The following TNS3 variants were observed in gnomAD, a reference collection of about 807,000 sequenced individuals.
TNS3 encodes tensin-3.
In TNS3, 45 loss-of-function variants were observed where a neutral mutation model predicts 140.9. The observed-to-expected ratio is 0.32, with a 90% CI of 0.25 to 0.41. TNS3 has a LOEUF of 0.41. Ranked by LOEUF, TNS3 falls within the 10% of genes least tolerant of loss-of-function variation. TNS3 has a pLI of 1.00. For synonymous variants in TNS3, 815 were observed against 788.4 expected (o/e 1.03, Z -0.56); for missense variants, 1,716 against 1,906.7 (o/e 0.90, Z 1.86).
intron 1 of TNS3, among the ~76,000 whole-genome samples, chr7:47,567,387 T>A (rs1032020328): frequency 2.0e-5 from 3 of 152,050 alleles, no homozygotes; most frequent in African/African-American, 7.2e-5. Flanking sequence ...CCATTCACAA[T>A]CACTTTAAGA....
chr7:47,484,936 T>A (rs910863814), intron 3 of TNS3, among the ~76,000 whole-genome samples: 1 of 152,214 alleles, frequency 6.6e-6, no homozygotes, highest in African/African-American at 2.4e-5. Flanking sequence ...TTAGCACTTA[T>A]GTTCTTAACA....
intron 20 of TNS3, among the ~76,000 whole-genome samples, chr7:47,319,436 G>A (rs865784773): frequency 2.6e-5 from 4 of 152,156 alleles, no homozygotes; most frequent in Middle Eastern, 3.4e-3. Flanking sequence ...AGAGAGAGGA[G>A]GGGAGGTGCC....
chr7:47,419,814 G>A (rs1351898624), intron 10 of TNS3, among the ~76,000 whole-genome samples: 1 of 151,972 alleles, frequency 6.6e-6, no homozygotes, highest in Non-Finnish European at 1.5e-5. Context: ...TGGACTCAGA[G>A]GCAAAAGGGT....
intron 30 of TNS3, chr7:47,279,892 A>G: frequency 1.9e-6 from 1 of 514,824 alleles, no homozygotes; most frequent in Non-Finnish European, 3.5e-6. Context: ...AATGGCCAAA[A>G]AGGCTGTGCC....
At chr7:47,391,249 T>A (rs1449683131) in intron 16 of TNS3, among the ~76,000 whole-genome samples, 1 of 152,208 alleles carries the variant, frequency 6.6e-6, no homozygotes, top group Non-Finnish European at 1.5e-5. Context: ...CTTCAATTCT[T>A]TCCTAATTCC....
intron 4 of TNS3, among the ~76,000 whole-genome samples, chr7:47,474,857 CCT>C (rs1797122267): frequency 6.8e-6 from 1 of 147,994 alleles, no homozygotes; most frequent in South Asian, 2.2e-4. Context: ...ACACAAAACA[CCT>C]CACACACAAC....
At chr7:47,528,124 G>A (rs748992639) in intron 2 of TNS3, among the ~76,000 whole-genome samples, 12 of 152,040 alleles carry the variant, frequency 7.9e-5, no homozygotes, top group Non-Finnish European at 1.8e-4. Flanking sequence ...AATCAGAGGA[G>A]GGGCACCCCA....
intron 4 of TNS3, among the ~76,000 whole-genome samples, chr7:47,469,169 T>A (rs1299802879): frequency 6.6e-6 from 1 of 152,226 alleles, no homozygotes. Flanking sequence ...CTTATCGACA[T>A]CAGCCTTGGC....
chr7:47,427,093 T>A (rs1584633511), intron 9 of TNS3, among the ~76,000 whole-genome samples: 1 of 124,820 alleles, frequency 8.0e-6, no homozygotes, highest in Non-Finnish European at 1.6e-5. Flanking sequence ...ACCACTGCAC[T>A]CCAACCTGGG....
Position 47,341,151 on chromosome 7 carries a change from T to C in TNS3, c.2650+3604A>G, listed in dbSNP as rs141504896. Reference sequence around the variant, plus strand: ...TTGCTGTGTTCTATTTGTTTATGTTTTGTTAAGGAGTTTTGTATCTGAATC... The same window carrying C: ...TTGCTGTGTTCTATTTGTTTATGTTCTGTTAAGGAGTTTTGTATCTGAATC... On this transcript the variant is annotated intron_variant, in intron 20 of 30. Transcript: ENST00000311160. Among the ~76,000 whole-genome samples the C allele has an allele frequency of 1.2e-4, 19 of 152,338 alleles. No homozygotes were observed. The East Asian group carries it at 3.5e-3, about 28-fold the overall frequency.
chr7:47,526,019 G>C (rs994594139), intron 2 of TNS3, among the ~76,000 whole-genome samples: 9 of 152,232 alleles, frequency 5.9e-5, no homozygotes, highest in African/African-American at 2.2e-4. Context: ...TGATCCTCCA[G>C]ATAAAGAAAG....
At position 47,344,556 on chromosome 7, in the gene TNS3, G is replaced by A. The variant is rs556975893; in HGVS notation, c.2650+199C>T. Among the ~76,000 whole-genome samples, 4 of 152,344 alleles carry A rather than the reference G, an allele frequency of 2.6e-5. No individual in the cohort carries two copies. In the South Asian group the frequency reaches 8.3e-4, roughly 32 times the overall value. On this transcript the variant is annotated intron_variant, in intron 20 of 30. Coordinates refer to ENST00000311160, the MANE Select transcript of TNS3 (RefSeq NM_022748.12). Reference sequence around the variant, plus strand: ...CACAGGATGCCAGGCAGCGATGCAAGGCCAGGTTGCCACCACACAGTGGAT... The same window carrying A: ...CACAGGATGCCAGGCAGCGATGCAAAGCCAGGTTGCCACCACACAGTGGAT...
intron 4 of TNS3, among the ~76,000 whole-genome samples, chr7:47,463,269 A>AC (rs1301269562): frequency 6.6e-6 from 1 of 151,896 alleles, no homozygotes; most frequent in Non-Finnish European, 1.5e-5. Context: ...ATGTGGTGAA[A>AC]CCCCATCTCT....
intron 20 of TNS3, among the ~76,000 whole-genome samples, chr7:47,318,154 G>C (rs947816381): frequency 2.0e-5 from 3 of 152,068 alleles, no homozygotes; most frequent in African/African-American, 7.2e-5. Flanking sequence ...ATGACTCTAG[G>C]GACCTCATGT....
At chr7:47,299,876 T>G (rs959008104) in intron 23 of TNS3, among the ~76,000 whole-genome samples, 1 of 152,188 alleles carries the variant, frequency 6.6e-6, no homozygotes, top group African/African-American at 2.4e-5. Flanking sequence ...GAGACAGGGA[T>G]GAGGGGAGGG....
chr7:47,574,256 T>A (rs959532228), intron 1 of TNS3, among the ~76,000 whole-genome samples: 2 of 152,202 alleles, frequency 1.3e-5, no homozygotes, highest in African/African-American at 4.8e-5. Context: ...TTTTTTTAAA[T>A]GAAAGACATT....
chr7:47,442,119 C>T, intron 4 of TNS3, 64 bp from the exon 5 acceptor site: 1 of 1,082,376 alleles, frequency 9.2e-7, no homozygotes, highest in Non-Finnish European at 1.2e-6. Context: ...ATGACACAGA[C>T]ACCACTGAGA....
At chr7:47,539,146 ACTC>A (rs1287614679) in intron 1 of TNS3, 37 of 456,070 alleles carry the variant, frequency 8.1e-5, no homozygotes, top group Non-Finnish European at 1.5e-4. Flanking sequence ...GCAGGATAAA[ACTC>A]CTCCAACCTG....
chr7:47,280,085 G>T (rs1785060727), intron 30 of TNS3, 79 bp downstream of exon 30: 1 of 1,560,006 alleles, frequency 6.4e-7, no homozygotes, highest in Non-Finnish European at 8.8e-7. Context: ...GGCACCCCCT[G>T]TGCAAATCTG....
Sources: gnomAD v4.1 joint callset for allele counts (sites outside exome capture counted in the v4.1 genomes callset) on GRCh38, gnomAD v4.1.1 for gene constraint, MANE v1.5 for transcripts, NCBI Gene and HGNC (gene_info 2026-07-23, HGNC 2026-07-21) for gene names.